Variants in ITFG1 observed in about 807,000 individuals in gnomAD.
ITFG1 encodes integrin alpha FG-GAP repeat containing 1.
Under a neutral mutation model 81.8 loss-of-function variants are expected in ITFG1, and 34 were observed. The ratio of observed to expected loss-of-function variants is 0.42; its 90% confidence interval spans 0.32 to 0.55. The LOEUF is 0.55. ITFG1 is among the 20% of genes least tolerant of loss of function. The pLI is 0.17. For missense variants in ITFG1, 672 were observed against 755.4 expected, an observed-to-expected ratio of 0.89 and a Z score of 1.29; for synonymous variants, 285 against 270.6, an observed-to-expected ratio of 1.05 and a Z score of -0.52.
At chr16:47,435,992 A>T (rs1969161273) in intron 5 of ITFG1, among the ~76,000 whole-genome samples, 1 of 152,094 alleles carries the variant, frequency 6.6e-6, no homozygotes, top group African/African-American at 2.4e-5. Context: ...ATCCCCCATC[A>T]TCCACAAAAG....
intron 12 of ITFG1, among the ~76,000 whole-genome samples, chr16:47,246,417 T>C (rs1405865874): frequency 6.6e-6 from 1 of 152,208 alleles, no homozygotes; most frequent in East Asian, 1.9e-4. Flanking sequence ...AAATAGAGTA[T>C]GCATTTCCTT....
At chr16:47,304,268 T>C (rs1013403363) in intron 10 of ITFG1, among the ~76,000 whole-genome samples, 10 of 152,012 alleles carry the variant, frequency 6.6e-5, no homozygotes, top group Non-Finnish European at 1.5e-4. Flanking sequence ...TAGTTAAGCT[T>C]AAGAGGGAAA....
chr16:47,347,982 A>G (rs1244682963), intron 8 of ITFG1, among the ~76,000 whole-genome samples: 1 of 152,256 alleles, frequency 6.6e-6, no homozygotes, highest in Non-Finnish European at 1.5e-5. Context: ...AAACTCCAAC[A>G]GACCTGCAGC....
At chr16:47,446,335 G>A (rs1418106425) in intron 5 of ITFG1, among the ~76,000 whole-genome samples, 1 of 152,220 alleles carries the variant, frequency 6.6e-6, no homozygotes, top group Non-Finnish European at 1.5e-5. Flanking sequence ...ACTCAAAGGT[G>A]CAGTTCTGGA....
At chr16:47,456,787 C>T (rs889973979) in intron 2 of ITFG1, among the ~76,000 whole-genome samples, 3 of 151,786 alleles carry the variant, frequency 2.0e-5, no homozygotes, top group Non-Finnish European at 4.4e-5. Context: ...AAAGACACAC[C>T]CCCGTGAAGT....
chr16:47,408,863 C>CA (rs1968763001), intron 6 of ITFG1, among the ~76,000 whole-genome samples: 4 of 152,122 alleles, frequency 2.6e-5, no homozygotes, highest in Admixed American at 2.6e-4. Flanking sequence ...TTGAGGACCT[C>CA]AGAGAGGTTT....
intron 8 of ITFG1, among the ~76,000 whole-genome samples, chr16:47,327,530 G>C (rs963700605): frequency 9.2e-5 from 14 of 152,218 alleles, no homozygotes; most frequent in South Asian, 2.1e-4. Flanking sequence ...CCATCAGAGT[G>C]AACAGGCAAC....
chr16:47,360,480 G>GT (rs1968095744), intron 8 of ITFG1, among the ~76,000 whole-genome samples: 1 of 152,118 alleles, frequency 6.6e-6, no homozygotes, highest in Admixed American at 6.5e-5. Context: ...TGCCATTAAT[G>GT]TAAGACTGTG....
chr16:47,194,582 C>T (rs1965333267), intron 14 of ITFG1, among the ~76,000 whole-genome samples: 1 of 152,160 alleles, frequency 6.6e-6, no homozygotes, highest in Non-Finnish European at 1.5e-5. Flanking sequence ...TCATCTTGTT[C>T]TCTAGCGCTG....
intron 5 of ITFG1, among the ~76,000 whole-genome samples, chr16:47,445,214 C>T (rs1378562902): frequency 6.8e-6 from 1 of 146,196 alleles, no homozygotes; most frequent in Non-Finnish European, 1.5e-5. Context: ...TTCCTGTAAT[C>T]CCAGCACTTT....
At chr16:47,288,967 T>C (rs1174781442) in intron 10 of ITFG1, among the ~76,000 whole-genome samples, 5 of 152,200 alleles carry the variant, frequency 3.3e-5, no homozygotes, top group African/African-American at 1.2e-4. Context: ...TTTCCTCGTG[T>C]AGTATAATGT....
At chr16:47,329,168 T>G (rs1178220299) in intron 8 of ITFG1, among the ~76,000 whole-genome samples, 1 of 152,072 alleles carries the variant, frequency 6.6e-6, no homozygotes, top group Non-Finnish European at 1.5e-5. Context: ...ATCCTAACAA[T>G]CTAGGATTTT....
chr16:47,314,461 G>A (rs1967320470), intron 8 of ITFG1, among the ~76,000 whole-genome samples: 1 of 152,122 alleles, frequency 6.6e-6, no homozygotes. Flanking sequence ...CTTCTTAAAA[G>A]TACCAATAAA....
chr16:47,229,792 A>G (rs1049310591), intron 13 of ITFG1, among the ~76,000 whole-genome samples: 1 of 152,150 alleles, frequency 6.6e-6, no homozygotes, highest in Non-Finnish European at 1.5e-5. Flanking sequence ...TAAGGGACTT[A>G]GATACAAAGG....
At chr16:47,330,117 T>C (rs1442837822) in intron 8 of ITFG1, among the ~76,000 whole-genome samples, 1 of 151,910 alleles carries the variant, frequency 6.6e-6, no homozygotes, top group Non-Finnish European at 1.5e-5. Flanking sequence ...TGGAACAGAA[T>C]AGAGAGCCCA....
chr16:47,290,822 G>A (rs1227489899), intron 10 of ITFG1, among the ~76,000 whole-genome samples: 1 of 152,094 alleles, frequency 6.6e-6, no homozygotes, highest in African/African-American at 2.4e-5. Context: ...TTACTGATAG[G>A]TGAAGACTTA....
At chr16:47,297,591 C>T (rs1967002119) in intron 10 of ITFG1, among the ~76,000 whole-genome samples, 1 of 148,970 alleles carries the variant, frequency 6.7e-6, no homozygotes, top group South Asian at 2.1e-4. Flanking sequence ...ATTTATCAAG[C>T]TTACTCTACC....
intron 14 of ITFG1, among the ~76,000 whole-genome samples, chr16:47,166,904 A>T (rs1964897745): frequency 6.6e-6 from 1 of 152,178 alleles, no homozygotes; most frequent in African/African-American, 2.4e-5. Flanking sequence ...ATCACTTTAC[A>T]TTTCCATTAG....
intron 8 of ITFG1, among the ~76,000 whole-genome samples, chr16:47,363,777 C>G (rs1410476680): frequency 6.6e-6 from 1 of 152,138 alleles, no homozygotes; most frequent in African/African-American, 2.4e-5. Context: ...AATCTATTTT[C>G]CTACTTTAAC....
Sources: gnomAD v4.1 joint callset for allele counts (sites outside exome capture counted in the v4.1 genomes callset) on GRCh38, gnomAD v4.1.1 for gene constraint, MANE v1.5 for transcripts, NCBI Gene and HGNC (gene_info 2026-07-23, HGNC 2026-07-21) for gene names.